The following AGBL1 variants were observed in gnomAD, a reference collection of about 807,000 sequenced individuals.
AGBL1 encodes AGBL carboxypeptidase 1, also known as cytosolic carboxypeptidase 4.
In AGBL1, 130 loss-of-function variants were observed where a neutral mutation model predicts 118.9. The ratio of observed to expected loss-of-function variants is 1.09; its 90% confidence interval spans 0.95 to 1.26. AGBL1 has a LOEUF of 1.26. AGBL1 is among the 50% of genes most tolerant of loss of function. The pLI is 0.00. For missense variants in AGBL1, 1,584 were observed against 1,298.1 expected (o/e 1.22, Z -3.38); for synonymous variants, 555 against 478.9 (o/e 1.16, Z -2.08).
chr15:86,212,327 A>G (rs1179115405), intron 5 of AGBL1, among the ~76,000 whole-genome samples: 5 of 152,220 alleles, frequency 3.3e-5, no homozygotes, highest in African/African-American at 1.2e-4. Flanking sequence ...AGAAAATTAG[A>G]AAGTGTGATG....
At chr15:86,806,886 A>G (rs528536816) in intron 22 of AGBL1, among the ~76,000 whole-genome samples, 3 of 152,034 alleles carry the variant, frequency 2.0e-5, no homozygotes, top group African/African-American at 7.2e-5. Context: ...GTTATATACA[A>G]TACGTGATAT....
intron 18 of AGBL1, among the ~76,000 whole-genome samples, chr15:86,418,123 A>C (rs1258159727): frequency 6.6e-6 from 1 of 152,090 alleles, no homozygotes; most frequent in Non-Finnish European, 1.5e-5. Context: ...CTTTCTACTA[A>C]TTTACATGGA....
At chr15:86,924,956 G>A (rs1000717443) in intron 23 of AGBL1, among the ~76,000 whole-genome samples, 2 of 151,540 alleles carry the variant, frequency 1.3e-5, no homozygotes, top group Non-Finnish European at 2.9e-5. Flanking sequence ...ATTAAACTTA[G>A]CTGGGCATGG....
chr15:86,260,640 CAT>C lies in AGBL1; in HGVS notation c.970-2136_970-2135del, dbSNP rs1233045128. ...TAATCTGAAACACAAACAGATAAGACATAGTTTTTATCTTCAAAGAGTTCACA... is the reference window on the plus strand; with the variant it reads ...TAATCTGAAACACAAACAGATAAGACAGTTTTTATCTTCAAAGAGTTCACA... On this transcript the variant is annotated intron_variant, in intron 9 of 22. Transcript: ENST00000614907. Among the ~76,000 whole-genome samples the C allele has an allele frequency of 2.0e-5, 3 of 152,110 alleles. No individual in the cohort carries two copies. The East Asian group carries it at 5.8e-4, about 29-fold the overall frequency.
At chr15:86,184,822 T>A (rs1668177987) in intron 5 of AGBL1, among the ~76,000 whole-genome samples, 2 of 152,116 alleles carry the variant, frequency 1.3e-5, no homozygotes, top group Non-Finnish European at 2.9e-5. Context: ...GAGCCCGCAT[T>A]GCCAAGACAA....
intron 21 of AGBL1, among the ~76,000 whole-genome samples, chr15:86,609,439 C>T (rs1008275572): frequency 1.3e-5 from 2 of 152,158 alleles, no homozygotes; most frequent in African/African-American, 2.4e-5. Flanking sequence ...CTGATGCACA[C>T]TTCATTTACT....
chr15:86,763,016 A>G (rs2078048170), intron 22 of AGBL1, among the ~76,000 whole-genome samples: 1 of 152,014 alleles, frequency 6.6e-6, no homozygotes, highest in Non-Finnish European at 1.5e-5. Flanking sequence ...CAGGTTGCTT[A>G]ATTTTGTGTA....
intron 18 of AGBL1, among the ~76,000 whole-genome samples, chr15:86,443,566 T>A (rs1367554461): frequency 1.3e-5 from 2 of 152,302 alleles, no homozygotes; most frequent in Non-Finnish European, 2.9e-5. Context: ...TCTAATTGTA[T>A]TTTGTGTTTA....
chr15:86,430,889 T>C (rs2081927754), intron 18 of AGBL1, among the ~76,000 whole-genome samples: 3 of 152,310 alleles, frequency 2.0e-5, no homozygotes, highest in Non-Finnish European at 2.9e-5. Context: ...AATAAATAGT[T>C]TCTAGCATTT....
At chr15:86,310,047 A>T (rs80312518) in intron 17 of AGBL1, among the ~76,000 whole-genome samples, 4,267 of 152,328 alleles carry the variant, frequency 0.028, 98 homozygotes, top group East Asian at 0.053. Flanking sequence ...CAGCGAAGCC[A>T]TCAGATCCTG....
intron 1 of AGBL1, among the ~76,000 whole-genome samples, chr15:86,084,400 C>T (rs1892464249): frequency 6.6e-6 from 1 of 152,268 alleles, no homozygotes; most frequent in African/African-American, 2.4e-5. Flanking sequence ...ACTTTCCTCT[C>T]TCTGCCACCT....
intron 18 of AGBL1, among the ~76,000 whole-genome samples, chr15:86,497,440 A>T (rs1166000424): frequency 6.6e-6 from 1 of 151,978 alleles, no homozygotes; most frequent in African/African-American, 2.4e-5. Context: ...TCTTAAATCT[A>T]CTCACAATAT....
intron 6 of AGBL1, among the ~76,000 whole-genome samples, chr15:86,246,692 T>G (rs557457225): frequency 7.1e-6 from 1 of 140,528 alleles, no homozygotes; most frequent in African/African-American, 2.7e-5. Flanking sequence ...TCAAGCAACT[T>G]AAGTCATGCC....
Position 86,493,009 on chromosome 15 carries a change from CA to C in AGBL1, c.2556-29800del, listed in dbSNP as rs141693015. ...CCAGACCATCCTGGCCGAAGGCCAA[CA>C]TGGCGAAACCTCACCTCTACTAAAA... is the stretch of plus-strand genomic sequence containing the variant. On this transcript the variant is annotated intron_variant, in intron 18 of 22. Transcript: ENST00000614907. 4.2e-3 allele frequency among the ~76,000 whole-genome samples: 632 copies of C among 152,248 alleles called. 3 individuals carry two copies. The highest frequency in any genetic ancestry group is 0.015 in the African/African-American group (608 of 41,582).
At chr15:86,315,269 ACT>A (rs1490156787) in intron 17 of AGBL1, among the ~76,000 whole-genome samples, 1 of 151,994 alleles carries the variant, frequency 6.6e-6, no homozygotes, top group Admixed American at 6.6e-5. Context: ...TATTGGAGTC[ACT>A]CTTATCTGCA....
intron 22 of AGBL1, among the ~76,000 whole-genome samples, chr15:86,707,457 G>T (rs12439205): frequency 0.34 from 51,735 of 151,934 alleles, 10,225 homozygotes; most frequent in Non-Finnish European, 0.45. Flanking sequence ...CAGCTCTGTA[G>T]AGAGAGAGCA....
chr15:86,736,362 A>ATCTGG, intron 22 of AGBL1, among the ~76,000 whole-genome samples: 3 of 151,540 alleles, frequency 2.0e-5, no homozygotes, highest in Non-Finnish European at 4.4e-5. Flanking sequence ...CCTGGGTGAC[A>ATCTGG]GAGTGAAACT....
intron 17 of AGBL1, among the ~76,000 whole-genome samples, chr15:86,370,301 C>CTTT (rs5814238): frequency 2.7e-4 from 36 of 131,014 alleles, no homozygotes; most frequent in African/African-American, 2.0e-4. Flanking sequence ...GTCTCTATTC[C>CTTT]TTTTTTTTTT....
chr15:86,760,266 C>T (rs921747048), intron 22 of AGBL1, among the ~76,000 whole-genome samples: 1 of 152,058 alleles, frequency 6.6e-6, no homozygotes, highest in Non-Finnish European at 1.5e-5. Flanking sequence ...AATAAAACTG[C>T]AGGAACTGTA....
Sources: gnomAD v4.1 joint callset for allele counts (sites outside exome capture counted in the v4.1 genomes callset) on GRCh38, gnomAD v4.1.1 for gene constraint, MANE v1.5 for transcripts, NCBI Gene and HGNC (gene_info 2026-07-23, HGNC 2026-07-21) for gene names.